Variants in EYS observed in about 807,000 individuals in gnomAD.
EYS encodes the protein EGF-like photoreceptor maintenance factor.
EYS carries 250 observed loss-of-function variants against 282.1 expected under a neutral mutation model. The ratio of observed to expected loss-of-function variants is 0.89; its 90% confidence interval spans 0.80 to 0.98. The LOEUF (loss-of-function observed/expected upper bound fraction) is 0.98, where lower values mean the gene tolerates loss of function less well. EYS is among the 50% of genes least tolerant of loss of function. The pLI is 0.00. For synonymous variants in EYS, 1,355 were observed against 1,282.9 expected, an observed-to-expected ratio of 1.06 and a Z score of -1.20; for missense variants, 4,016 against 3,709.0, an observed-to-expected ratio of 1.08 and a Z score of -2.15.
chr6:65,065,533 C>A (rs1561948356), intron 12 of EYS, among the ~76,000 whole-genome samples: 1 of 151,084 alleles, frequency 6.6e-6, no homozygotes, highest in Non-Finnish European at 1.5e-5. Context: ...CAGGTGCCCA[C>A]CACCACGCCT....
intron 2 of EYS, among the ~76,000 whole-genome samples, chr6:65,582,187 C>G (rs1582481966): frequency 7.2e-6 from 1 of 138,722 alleles, no homozygotes; most frequent in African/African-American, 2.8e-5. Flanking sequence ...CAGAGTGAGA[C>G]TCCATCTCAA....
intron 12 of EYS, among the ~76,000 whole-genome samples, chr6:65,204,932 GAAGAATATATTTATATATTCTA>G (rs1562021200): frequency 0.01 from 1,151 of 113,448 alleles, 148 homozygotes; most frequent in African/African-American, 0.04. Context: ...ATATATTCTA[GAAGAATATATTTATATATTCTA>G]GAAGAATATA....
At chr6:65,611,934 A>G (rs1766016092) in intron 2 of EYS, among the ~76,000 whole-genome samples, 1 of 152,024 alleles carries the variant, frequency 6.6e-6, no homozygotes, top group African/African-American at 2.4e-5. Flanking sequence ...CAAAGTAGAC[A>G]TTTGCTTTAA....
At chr6:64,836,338 C>A (rs930426733) in intron 19 of EYS, among the ~76,000 whole-genome samples, 2 of 150,408 alleles carry the variant, frequency 1.3e-5, no homozygotes, top group Non-Finnish European at 3.0e-5. Flanking sequence ...GCAATGTATT[C>A]TTCCATGAAT....
At chr6:65,540,716 C>T (rs1768134539) in intron 2 of EYS, among the ~76,000 whole-genome samples, 2 of 151,974 alleles carry the variant, frequency 1.3e-5, no homozygotes, top group South Asian at 2.1e-4. Flanking sequence ...GTCAGGAGTT[C>T]GAGACCAGCC....
chr6:64,151,157 A>G (rs1774691064), intron 31 of EYS, among the ~76,000 whole-genome samples: 1 of 151,416 alleles, frequency 6.6e-6, no homozygotes, highest in Admixed American at 6.6e-5. Context: ...GAGGATGGAT[A>G]CATACATTAT....
At chr6:65,280,865 A>AT (rs35574788) in intron 12 of EYS, among the ~76,000 whole-genome samples, 27,845 of 135,528 alleles carry the variant, frequency 0.21, 3,192 homozygotes, top group Non-Finnish European at 0.27. Flanking sequence ...TAAAAAAAAA[A>AT]ATATATATAT....
intron 26 of EYS, among the ~76,000 whole-genome samples, chr6:64,530,440 A>G (rs1764289509): frequency 6.6e-6 from 1 of 152,074 alleles, no homozygotes; most frequent in Non-Finnish European, 1.5e-5. Flanking sequence ...TATGAAATAT[A>G]TTAAAATTTT....
chr6:65,665,912 A>G (rs1348828566), intron 1 of EYS, among the ~76,000 whole-genome samples: 1 of 152,036 alleles, frequency 6.6e-6, no homozygotes, highest in Non-Finnish European at 1.5e-5. Context: ...ATACACTCCC[A>G]GTTATTTGTG....
At chr6:64,306,160 C>T (rs2150375495) in intron 30 of EYS, among the ~76,000 whole-genome samples, 1 of 152,206 alleles carries the variant, frequency 6.6e-6, no homozygotes, top group East Asian at 1.9e-4. Flanking sequence ...CAAATCAAAA[C>T]TGTGAGGCTC....
intron 35 of EYS, among the ~76,000 whole-genome samples, chr6:63,881,242 G>T (rs1383741841): frequency 2.4e-4 from 37 of 152,088 alleles, no homozygotes; most frequent in Admixed American, 2.4e-3. Context: ...ACTATAAAAT[G>T]CATCTCCATC....
intron 33 of EYS, among the ~76,000 whole-genome samples, chr6:64,026,286 G>A (rs1374066119): frequency 6.6e-6 from 1 of 152,100 alleles, no homozygotes; most frequent in Non-Finnish European, 1.5e-5. Flanking sequence ...CAGGGTCCAG[G>A]GTCCGTTGTG....
At chr6:63,755,210 C>T (rs1769446199) in intron 41 of EYS, among the ~76,000 whole-genome samples, 1 of 152,156 alleles carries the variant, frequency 6.6e-6, no homozygotes. Context: ...TCCCACTTGT[C>T]AATTTTGGCT....
chr6:64,657,930 G>A (rs1768815145), intron 22 of EYS, among the ~76,000 whole-genome samples: 1 of 152,098 alleles, frequency 6.6e-6, no homozygotes, highest in Non-Finnish European at 1.5e-5. Flanking sequence ...AGTTCTCCTG[G>A]ATAATATCCT....
chr6:65,294,100 T>C (rs1768599605), intron 12 of EYS, among the ~76,000 whole-genome samples: 1 of 151,192 alleles, frequency 6.6e-6, no homozygotes, highest in Admixed American at 6.6e-5. Context: ...AGAAATCAGA[T>C]GGGAAGAATT....
chr6:64,556,068 A>G (rs926981079), intron 26 of EYS, among the ~76,000 whole-genome samples: 1 of 152,020 alleles, frequency 6.6e-6, no homozygotes, highest in Non-Finnish European at 1.5e-5. Context: ...ATTTTGGAAG[A>G]CAATTTAAAA....
At chr6:64,428,677 T>C (rs1234232750) in intron 28 of EYS, among the ~76,000 whole-genome samples, 3 of 152,184 alleles carry the variant, frequency 2.0e-5, no homozygotes, top group African/African-American at 7.2e-5. Context: ...ATTGCCATTA[T>C]CCAATTCTTA....
At chr6:64,831,028 G>C (rs536250872) in intron 19 of EYS, among the ~76,000 whole-genome samples, 3 of 152,050 alleles carry the variant, frequency 2.0e-5, no homozygotes, top group South Asian at 4.1e-4. Flanking sequence ...TTCCTGGAGG[G>C]ATCAACTGAG....
chr6:64,971,531 CT>C (rs1770293549), intron 14 of EYS, among the ~76,000 whole-genome samples: 1 of 151,954 alleles, frequency 6.6e-6, no homozygotes, highest in African/African-American at 2.4e-5. Flanking sequence ...AATGAGAAAC[CT>C]TTTTCTGACT....
Sources: allele counts gnomAD v4.1 joint callset (sites outside exome capture counted in the v4.1 genomes callset), GRCh38; gene constraint gnomAD v4.1.1; transcripts MANE v1.5; gene names NCBI Gene and HGNC (gene_info 2026-07-23, HGNC 2026-07-21).